The following HNRNPD variants were observed in gnomAD, a reference collection of about 807,000 sequenced individuals.
HNRNPD encodes heterogeneous nuclear ribonucleoprotein D0.
A neutral mutation model predicts 47.9 loss-of-function variants in HNRNPD; 3 were observed. The ratio of observed to expected loss-of-function variants is 0.06; its 90% CI spans 0.03 to 0.16. HNRNPD has a LOEUF of 0.16. Among genes scored for constraint, HNRNPD ranks in the 10% least tolerant of loss-of-function variants. HNRNPD has a pLI of 1.00. For missense variants in HNRNPD, 287 were observed against 454.2 expected (o/e 0.63, Z 3.35); for synonymous variants, 171 against 165.1 (o/e 1.04, Z -0.28).
intron 2 of HNRNPD, among the ~76,000 whole-genome samples, chr4:82,368,566 G>A (rs1352784197): frequency 2.0e-5 from 3 of 152,032 alleles, no homozygotes; most frequent in Non-Finnish European, 2.9e-5. Context: ...AATACTCTTC[G>A]CTTAAATGTT....
At chr4:82,363,291 G>A (rs1256686128) in intron 2 of HNRNPD, among the ~76,000 whole-genome samples, 1 of 151,844 alleles carries the variant, frequency 6.6e-6, no homozygotes, top group Admixed American at 6.6e-5. Context: ...ATATTGGTCA[G>A]GCTGGTCTCG....
chr4:82,370,537 T>C (rs63702561), intron 2 of HNRNPD, among the ~76,000 whole-genome samples: 1 of 149,546 alleles, frequency 6.7e-6, no homozygotes, highest in South Asian at 2.1e-4. Context: ...CTTTTTTTTT[T>C]CCTCTTTTTT....
At chr4:82,370,811 G>T (rs1406541623) in intron 2 of HNRNPD, among the ~76,000 whole-genome samples, 2 of 152,046 alleles carry the variant, frequency 1.3e-5, no homozygotes, top group Non-Finnish European at 2.9e-5. Flanking sequence ...GGAAAGGATG[G>T]ATAAAAAGAA....
chr4:82,360,762 T>C (rs2109993033), intron 2 of HNRNPD, among the ~76,000 whole-genome samples: 1 of 152,312 alleles, frequency 6.6e-6, no homozygotes, highest in East Asian at 1.9e-4. Flanking sequence ...TTTAAGATAC[T>C]GCCACTAAGG....
chr4:82,359,922 T>A (rs1363811161), intron 2 of HNRNPD, among the ~76,000 whole-genome samples: 1 of 152,090 alleles, frequency 6.6e-6, no homozygotes, highest in East Asian at 1.9e-4. Context: ...ACATAAAAGT[T>A]TTCCTTAGAT....
At chr4:82,370,075 G>A (rs1719962422) in intron 2 of HNRNPD, among the ~76,000 whole-genome samples, 1 of 152,158 alleles carries the variant, frequency 6.6e-6, no homozygotes, top group African/African-American at 2.4e-5. Flanking sequence ...CTGGGAGGTG[G>A]AGGTTGCGCT....
chr4:82,360,047 G>T (rs1257602596), intron 2 of HNRNPD, among the ~76,000 whole-genome samples: 5 of 152,118 alleles, frequency 3.3e-5, no homozygotes, highest in Admixed American at 6.5e-5. Context: ...ACCAGCATTG[G>T]TGTCTATGCT....
chr4:82,371,472 A>T, intron 2 of HNRNPD, 56 bp downstream of exon 2: 1 of 1,363,800 alleles, frequency 7.3e-7, no homozygotes, highest in East Asian at 2.5e-5. Context: ...CACAGCCTCT[A>T]CATATTATGA....
In HNRNPD at chr4:82,352,588, A is replaced by T. The variant is rs1723541881; in HGVS notation, c.*1597T>A. ...CTAGCTTAACAACCCTAACACAAAAAATTTTCATTTATTTTGACCATGAGT... is the reference window on the plus strand; with the variant it reads ...CTAGCTTAACAACCCTAACACAAAATATTTTCATTTATTTTGACCATGAGT... On this transcript the variant is annotated 3_prime_UTR_variant, in exon 9 of 9. Transcript: ENST00000313899. The T allele has an allele frequency of 6.6e-6, 1 of 152,122 alleles. No individual in the cohort carries two copies. The highest frequency in any genetic ancestry group is 2.4e-5 in the African/African-American group (1 of 41,426). 9.4% of individuals were successfully genotyped at this position (152,122 alleles called of 1,614,324 possible).
intron 3 of HNRNPD, 165 bp from the exon 4 acceptor site, chr4:82,358,985 T>C (rs988621691): frequency 5.0e-6 from 3 of 600,462 alleles, no homozygotes; most frequent in Non-Finnish European, 8.6e-6. Flanking sequence ...TCAACTAACA[T>C]ATACTGTTTA....
At chr4:82,369,129 C>T (rs13107849) in intron 2 of HNRNPD, among the ~76,000 whole-genome samples, 2 of 152,090 alleles carry the variant, frequency 1.3e-5, no homozygotes, top group African/African-American at 2.4e-5. Flanking sequence ...TTTAAAAACT[C>T]TGCCCTCAGA....
At position 82,356,255 on chromosome 4, in the gene HNRNPD, C is replaced by G. The variant is rs528580210; in HGVS notation, c.1000+282G>C. 83 of 317,766 alleles carry G rather than the reference C, an allele frequency of 2.6e-4. 1 individual carries two copies. Among genetic ancestry groups the G allele is most frequent in the South Asian group, 1.1e-3 (14 of 12,514 alleles). The allele number at this position is 317,766 out of a possible 1,614,324, so 19.7% of individuals were successfully genotyped here. On this transcript the variant is annotated intron_variant, in intron 7 of 8. Transcript: ENST00000313899. The stretch of plus-strand genomic sequence containing the variant: ...GTCCAAGAAGTGACATTTAGAATAC[C>G]TTGAGCTTAAAAGATCTGAACTGAG...
chr4:82,364,467 A>C (rs1202519092), intron 2 of HNRNPD, among the ~76,000 whole-genome samples: 1 of 152,224 alleles, frequency 6.6e-6, no homozygotes, highest in East Asian at 1.9e-4. Flanking sequence ...CACTATAAGC[A>C]CTATCTAAAC....
Position 82,373,600 on chromosome 4 carries a change from C to T in HNRNPD, c.79G>A (p.Glu27Lys), listed in dbSNP as rs1578061719. ...AAVGGSAGEQ[E>K]GAMVAATQGA... ...TGTGTCGCCGCCACCATGGCTCCCT[C>T]CTGCTCGCCCGCCGAGCCGCCTACC... The change falls in exon 1 of 9, where the codon GAG becomes AAG. Residue 27 changes from glutamate (E) to lysine (K), a missense_variant. Transcript: ENST00000313899. 1 of 1,531,482 alleles carries T rather than the reference C, an allele frequency of 6.5e-7. No individual in the cohort carries two copies. Among genetic ancestry groups the T allele is most frequent in the Non-Finnish European group, 8.7e-7 (1 of 1,143,602 alleles). The allele number at this position is 1,531,482 out of a possible 1,614,324, so 94.9% of individuals were successfully genotyped here.
intron 2 of HNRNPD, among the ~76,000 whole-genome samples, chr4:82,366,547 A>G (rs9997959): frequency 0.094 from 14,361 of 152,162 alleles, 1,693 homozygotes; most frequent in African/African-American, 0.28. Context: ...CCCGGCCAAC[A>G]TGACAGTTTT....
At chr4:82,362,112 A>G (rs1262501466) in intron 2 of HNRNPD, among the ~76,000 whole-genome samples, 1 of 152,190 alleles carries the variant, frequency 6.6e-6, no homozygotes, top group African/African-American at 2.4e-5. Flanking sequence ...GCCTTCTTAT[A>G]CTTCAAATAC....
intron 2 of HNRNPD, among the ~76,000 whole-genome samples, chr4:82,364,824 T>C (rs1719673270): frequency 1.3e-5 from 2 of 152,228 alleles, no homozygotes; most frequent in South Asian, 2.1e-4. Flanking sequence ...TCCTGGCTGG[T>C]GGAAAATGTT....
rs1018650480 is a variant in HNRNPD, at chr4:82,354,114, C to G, written c.*71G>C. On this transcript the variant is annotated 3_prime_UTR_variant, in exon 9 of 9. Coordinates refer to ENST00000313899, the MANE Select transcript of HNRNPD (RefSeq NM_031370.3). The stretch of plus-strand genomic sequence containing the variant: ...GCTATTAGCAGGTGGCAGGAGCCAC[C>G]TTCAAATGAATCTTCAAATTGGAAA... 1.3e-5 allele frequency: 2 copies of G among 152,544 alleles called. No individual in the cohort carries two copies. The highest frequency in any genetic ancestry group is 4.8e-5 in the African/African-American group (2 of 41,426). 9.4% of individuals were successfully genotyped at this position (152,544 alleles called of 1,614,324 possible).
chr4:82,356,572 C>T lies in HNRNPD; in HGVS notation c.965G>A (p.Gly322Asp), dbSNP rs1319634195. The T allele has an allele frequency of 6.2e-7, 1 of 1,610,522 alleles. No individual in the cohort carries two copies. The highest frequency in any genetic ancestry group is 1.7e-5 in the Admixed American group (1 of 59,998). ...YGGYGGYDYTGYNNYYGYGDY... is the reference protein window; with the variant it reads ...YGGYGGYDYTDYNNYYGYGDY... ...ACCATATCCATAGTAGTTGTTGTAA[C>T]CAGTGTAGTCATATCCTCCATAACC... is the stretch of plus-strand genomic sequence containing the variant. The change falls in exon 7 of 9, where the codon GGT (glycine) becomes GAT (aspartate). Residue 322 changes from glycine (G) to aspartate (D), a missense_variant. Gly to Asp is a moderately conservative substitution (Grantham distance 94). Transcript: ENST00000313899.
Sources: allele counts gnomAD v4.1 joint callset (sites outside exome capture counted in the v4.1 genomes callset), GRCh38; gene constraint gnomAD v4.1.1; transcripts MANE v1.5; gene names NCBI Gene and HGNC (gene_info 2026-07-23, HGNC 2026-07-21).